The following SVIL variants were observed in gnomAD, a reference collection of about 807,000 sequenced individuals.
SVIL encodes archvillin.
SVIL carries 101 observed loss-of-function variants against 240.4 expected under a neutral mutation model. The ratio of observed to expected loss-of-function variants is 0.42; its 90% CI spans 0.36 to 0.50. The LOEUF is 0.50. Ranked by LOEUF, SVIL falls within the 20% of genes least tolerant of loss-of-function variation. The probability of loss-of-function intolerance (pLI) is 0.01; values close to 1 mark genes in which losing one functional copy is unlikely to be tolerated. For synonymous variants in SVIL, 999 were observed against 1,100.0 expected (o/e 0.91, Z 1.82); for missense variants, 2,512 against 2,818.7 (o/e 0.89, Z 2.46).
At chr10:29,734,830 C>G (rs1964804669) in intron 1 of SVIL, among the ~76,000 whole-genome samples, 2 of 152,138 alleles carry the variant, frequency 1.3e-5, no homozygotes, top group African/African-American at 2.4e-5. Context: ...AAAACGCGTG[C>G]CTGTGCTAGG....
At chr10:29,458,657 T>C in intron 36 of SVIL, 68 bp from the exon 37 acceptor site, 1 of 1,556,404 alleles carries the variant, frequency 6.4e-7, no homozygotes, top group East Asian at 2.3e-5. Context: ...ATTAAGTGCT[T>C]ACAGACACAC....
At chr10:29,650,798 C>T (rs1958810515) in intron 3 of SVIL, among the ~76,000 whole-genome samples, 2 of 151,994 alleles carry the variant, frequency 1.3e-5, no homozygotes, top group African/African-American at 4.8e-5. Flanking sequence ...AAATAAAAAT[C>T]ATAAGTTGGC....
intron 29 of SVIL, 81 bp downstream of exon 29, chr10:29,480,454 CAG>C (rs1452501100): frequency 9.7e-6 from 15 of 1,549,030 alleles, no homozygotes; most frequent in Admixed American, 3.5e-5. Flanking sequence ...GAGGGCATGA[CAG>C]GGTTCATTGG....
In SVIL at chr10:29,488,744, G is replaced by C. The variant is rs200637850; in HGVS notation, c.4205C>G (p.Ser1402Cys). 3 of 1,612,428 alleles carry C rather than the reference G, an allele frequency of 1.9e-6. No homozygotes were observed. Among genetic ancestry groups the C allele is most frequent in the Admixed American group, 3.4e-5 (2 of 59,664 alleles). Residue 1402 changes from serine to cysteine, a missense_variant, in exon 23 of 38, where the codon TCC becomes TGC. Around this residue, in one of 3 missense-constraint regions of SVIL, gnomAD observed 272 missense variants for 406.8 expected, o/e 0.67. Coordinates refer to ENST00000355867, the MANE Select transcript of SVIL (RefSeq NM_021738.3). ...CGCCAGGGTGACTTCTGAGAAGTTGGAGTTGGAAGACACTGGGCACGTTGA... is the reference window on the plus strand; with the variant it reads ...CGCCAGGGTGACTTCTGAGAAGTTGCAGTTGGAAGACACTGGGCACGTTGA... Reference protein sequence around the residue: ...RMKVEKMSSNSNFSEVTLAGL... With the variant: ...RMKVEKMSSNCNFSEVTLAGL...
chr10:29,662,575 C>T (rs1166775344), intron 2 of SVIL, among the ~76,000 whole-genome samples: 1 of 152,164 alleles, frequency 6.6e-6, no homozygotes, highest in Admixed American at 6.5e-5. Context: ...GCATCCATCA[C>T]CCCTCAGATA....
Position 29,551,029 on chromosome 10 carries a change from T to C in SVIL, c.395A>G (p.Tyr132Cys). The C allele has an allele frequency of 6.2e-7, 1 of 1,614,136 alleles. No homozygotes were observed. Among genetic ancestry groups the C allele is most frequent in the South Asian group, 1.1e-5 (1 of 91,080 alleles). ...CCTGGACTTGGTATAGCGGGATAAA[T>C]ACTCGGAGTCGGCCTCGGGATCCAG... The part of the protein sequence containing the change: ...LTLDPEADSE[Y>C]LSRYTKSRKE... Residue 132 changes from tyrosine (Y) to cysteine (C), a missense_variant, in exon 6 of 38, where the codon TAT becomes TGT. Tyr to Cys is a radical substitution (Grantham distance 194). This residue lies in a region of SVIL where 1,443 missense variants were observed against 1,486.6 expected (regional missense o/e 0.97). Transcript: ENST00000355867.
rs570101887 is a variant in SVIL, at chr10:29,534,564, A to G, written c.909-1106T>C. ...GCTCCAGTTGTTTCTAAAGTTATTC[A>G]AATATCTGAGAGCAAAACTGACATC... On this transcript the variant is annotated intron_variant, in intron 7 of 37. Coordinates refer to ENST00000355867, the MANE Select transcript of SVIL (RefSeq NM_021738.3). 1.2e-4 allele frequency among the ~76,000 whole-genome samples: 18 copies of G among 152,368 alleles called. No homozygotes were observed. In the South Asian group the frequency reaches 3.7e-3, roughly 32 times the overall value.
intron 6 of SVIL, among the ~76,000 whole-genome samples, chr10:29,547,037 C>A (rs1259821121): frequency 6.6e-6 from 1 of 152,136 alleles, no homozygotes; most frequent in Non-Finnish European, 1.5e-5. Context: ...TTTTCATATA[C>A]AGTTATTTAG....
intron 1 of SVIL, among the ~76,000 whole-genome samples, chr10:29,706,155 A>G (rs1962876519): frequency 6.6e-6 from 1 of 152,202 alleles, no homozygotes; most frequent in South Asian, 2.1e-4. Context: ...AATGATTTAT[A>G]TTCCTTGGGG....
intron 29 of SVIL, among the ~76,000 whole-genome samples, chr10:29,478,420 A>C (rs929778889): frequency 6.6e-6 from 1 of 152,160 alleles, no homozygotes; most frequent in South Asian, 2.1e-4. Context: ...TAAACGTCAT[A>C]TATACCTGAT....
intron 2 of SVIL, among the ~76,000 whole-genome samples, chr10:29,662,778 T>TACAC (rs3040508): frequency 0.01 from 1,532 of 149,460 alleles, 37 homozygotes; most frequent in East Asian, 0.082. Context: ...TGTGCGCGCG[T>TACAC]ACACACACAC....
At chr10:29,479,378 GCAC>G (rs894668799) in intron 29 of SVIL, among the ~76,000 whole-genome samples, 34 of 152,182 alleles carry the variant, frequency 2.2e-4, no homozygotes, top group African/African-American at 7.5e-4. Flanking sequence ...TGAAAAATTA[GCAC>G]CACAACAGAA....
chr10:29,700,742 G>T (rs543595867), intron 1 of SVIL, among the ~76,000 whole-genome samples: 33 of 152,136 alleles, frequency 2.2e-4, no homozygotes, highest in African/African-American at 7.9e-4. Context: ...CAAAGTGCTG[G>T]GATTACAGGC....
chr10:29,529,646 A>T, intron 12 of SVIL, 59 bp downstream of exon 12: 6 of 1,519,578 alleles, frequency 3.9e-6, no homozygotes, highest in Non-Finnish European at 5.3e-6. Context: ...CACTCTTTAA[A>T]TGTATTTTTT....
chr10:29,715,357 G>A (rs1288573662), intron 1 of SVIL, among the ~76,000 whole-genome samples: 5 of 152,092 alleles, frequency 3.3e-5, no homozygotes, highest in Non-Finnish European at 7.4e-5. Flanking sequence ...AACCTTCCTA[G>A]CCAACTTAGC....
intron 1 of SVIL, among the ~76,000 whole-genome samples, chr10:29,570,507 T>C (rs1310382404): frequency 6.6e-6 from 1 of 152,234 alleles, no homozygotes; most frequent in Non-Finnish European, 1.5e-5. Context: ...ATTGAAAGCA[T>C]GTATTTTCCT....
chr10:29,700,236 A>G (rs1589539577), intron 1 of SVIL, among the ~76,000 whole-genome samples: 1 of 152,216 alleles, frequency 6.6e-6, no homozygotes, highest in Non-Finnish European at 1.5e-5. Flanking sequence ...CGTAAAATAA[A>G]GATCATCCTA....
At chr10:29,536,806 G>T (rs1951771841) in intron 6 of SVIL, among the ~76,000 whole-genome samples, 1 of 151,372 alleles carries the variant, frequency 6.6e-6, no homozygotes, top group African/African-American at 2.4e-5. Context: ...AGCTACTCGG[G>T]AAGCTGAGGC....
intron 1 of SVIL, among the ~76,000 whole-genome samples, chr10:29,618,721 G>C (rs1957517017): frequency 6.7e-6 from 1 of 149,880 alleles, no homozygotes; most frequent in African/African-American, 2.4e-5. Flanking sequence ...TCTTGCAGCA[G>C]ATTTTTTTTT....
Sources: gnomAD v4.1 joint callset for allele counts (sites outside exome capture counted in the v4.1 genomes callset) on GRCh38, gnomAD v4.1.1 for gene constraint, gnomAD v4.1.1 regional missense constraint, MANE v1.5 for transcripts, NCBI Gene and HGNC (gene_info 2026-07-23, HGNC 2026-07-21) for gene names.